PHF21A: variants seen among roughly 807,000 people sequenced by gnomAD.
PHF21A encodes the protein BHC80a.
Under a neutral mutation model 82.5 loss-of-function variants are expected in PHF21A, and 11 were observed. The observed-to-expected ratio is 0.13, with a 90% CI of 0.08 to 0.22. PHF21A has a LOEUF of 0.22. PHF21A is among the 10% of genes least tolerant of loss of function. PHF21A has a pLI of 1.00. For synonymous variants in PHF21A, 297 were observed against 302.8 expected (o/e 0.98, Z 0.20); for missense variants, 579 against 837.8 (o/e 0.69, Z 3.81).
At chr11:45,964,015 T>C (rs368749522) in intron 10 of PHF21A, among the ~76,000 whole-genome samples, 2 of 151,846 alleles carry the variant, frequency 1.3e-5, no homozygotes, top group Non-Finnish European at 2.9e-5. Flanking sequence ...CTGACCAACA[T>C]GGAGAAACCC....
chr11:46,060,483 C>T (rs1339064778), intron 6 of PHF21A, among the ~76,000 whole-genome samples: 1 of 152,058 alleles, frequency 6.6e-6, no homozygotes, highest in Non-Finnish European at 1.5e-5. Flanking sequence ...ATATTTTTTA[C>T]TTAAGAATTC....
intron 12 of PHF21A, 149 bp from the exon 13 acceptor site, chr11:45,949,630 C>T: frequency 1.5e-6 from 1 of 687,528 alleles, no homozygotes; most frequent in Non-Finnish European, 2.6e-6. Flanking sequence ...GGCAAGCACA[C>T]TACTGGAAGC....
chr11:46,048,201 T>G (rs1325674553), intron 6 of PHF21A, among the ~76,000 whole-genome samples: 3 of 152,216 alleles, frequency 2.0e-5, no homozygotes, highest in Non-Finnish European at 2.9e-5. Flanking sequence ...TAATTGACTT[T>G]CTGTCTCCAG....
intron 10 of PHF21A, among the ~76,000 whole-genome samples, chr11:45,961,825 T>C (rs896725788): frequency 2.1e-4 from 32 of 152,210 alleles, no homozygotes; most frequent in African/African-American, 7.7e-4. Context: ...GAAGGCTATA[T>C]CGTAAGTCTT....
intron 6 of PHF21A, among the ~76,000 whole-genome samples, chr11:46,002,956 GAATT>G (rs1258139837): frequency 6.6e-6 from 1 of 152,034 alleles, no homozygotes; most frequent in Non-Finnish European, 1.5e-5. Flanking sequence ...CAAATAAAAT[GAATT>G]AATTGGATAA....
intron 10 of PHF21A, among the ~76,000 whole-genome samples, chr11:45,955,004 A>G (rs1473613826): frequency 1.3e-5 from 2 of 152,186 alleles, no homozygotes; most frequent in East Asian, 3.8e-4. Context: ...ATGATTACAT[A>G]AAGAAAGCGT....
intron 4 of PHF21A, among the ~76,000 whole-genome samples, chr11:46,079,399 T>C (rs2096763380): frequency 6.7e-6 from 1 of 148,374 alleles, no homozygotes; most frequent in Non-Finnish European, 1.5e-5. Flanking sequence ...GCCTGATTTT[T>C]AAATCTGGAC....
chr11:46,023,232 A>G (rs919721636), intron 6 of PHF21A, among the ~76,000 whole-genome samples: 1 of 152,200 alleles, frequency 6.6e-6, no homozygotes, highest in African/African-American at 2.4e-5. Flanking sequence ...AGTGTAAGCA[A>G]TGGTTTCTTA....
chr11:46,027,847 A>G (rs1364225659), intron 6 of PHF21A, among the ~76,000 whole-genome samples: 3 of 152,236 alleles, frequency 2.0e-5, no homozygotes, highest in Admixed American at 6.5e-5. Context: ...CCAATATTTT[A>G]CTTTATTTGT....
chr11:45,977,113 A>G (rs1253769903), intron 7 of PHF21A, among the ~76,000 whole-genome samples: 3 of 147,854 alleles, frequency 2.0e-5, no homozygotes, highest in African/African-American at 5.0e-5. Flanking sequence ...AAAAGCTATT[A>G]TATTTTGGAA....
At position 46,037,543 on chromosome 11, in the gene PHF21A, A is replaced by G. The variant is rs374041035; in HGVS notation, c.153+39211T>C. On this transcript the variant is annotated intron_variant, in intron 6 of 18. Transcript: ENST00000676320. ...GTAATCCCAGCTACTTGGGAGGCTG[A>G]GGCAGGACAATCGCTTGAATCCGGG... Among the ~76,000 whole-genome samples, 42 of 150,530 alleles carry G rather than the reference A, an allele frequency of 2.8e-4. No homozygotes were observed. The East Asian group carries it at 6.6e-3, about 24-fold the overall frequency.
intron 6 of PHF21A, among the ~76,000 whole-genome samples, chr11:45,982,431 T>C (rs1458902864): frequency 6.6e-6 from 1 of 152,198 alleles, no homozygotes; most frequent in Non-Finnish European, 1.5e-5. Flanking sequence ...TTGCAGAAAC[T>C]ATCTGCAGAA....
At chr11:46,025,431 A>G (rs1317901562) in intron 6 of PHF21A, among the ~76,000 whole-genome samples, 1 of 152,224 alleles carries the variant, frequency 6.6e-6, no homozygotes, top group Admixed American at 6.5e-5. Context: ...CACCAATTCT[A>G]GACCTTCCAT....
intron 4 of PHF21A, among the ~76,000 whole-genome samples, chr11:46,081,746 A>C (rs1473500088): frequency 6.6e-6 from 1 of 152,250 alleles, no homozygotes; most frequent in African/African-American, 2.4e-5. Flanking sequence ...TAAGCAAAAC[A>C]ACCCATAGGC....
At chr11:46,067,889 T>C (rs1183994748) in intron 6 of PHF21A, among the ~76,000 whole-genome samples, 1 of 152,084 alleles carries the variant, frequency 6.6e-6, no homozygotes, top group Non-Finnish European at 1.5e-5. Flanking sequence ...CCAAGTACCA[T>C]GAGTACACAG....
At chr11:46,089,088 T>C (rs916651291) in intron 3 of PHF21A, among the ~76,000 whole-genome samples, 10 of 152,332 alleles carry the variant, frequency 6.6e-5, no homozygotes, top group Middle Eastern at 3.4e-3. Context: ...CCATGTTCTC[T>C]ATACCATGCA....
chr11:45,949,136 G>A (rs117648251), intron 13 of PHF21A, among the ~76,000 whole-genome samples, 190 bp from the exon 14 acceptor site: 18 of 152,288 alleles, frequency 1.2e-4, no homozygotes, highest in African/African-American at 4.3e-4. Context: ...AGAGAAGCCT[G>A]CCTCTGTTGC....
intron 6 of PHF21A, among the ~76,000 whole-genome samples, chr11:46,056,071 GT>G (rs913167038): frequency 2.6e-5 from 4 of 151,746 alleles, no homozygotes; most frequent in African/African-American, 9.7e-5. Flanking sequence ...CATGTAACCT[GT>G]TTTTTTTAAA....
At chr11:46,075,980 ACC>A (rs2096719784) in intron 6 of PHF21A, among the ~76,000 whole-genome samples, 2 of 152,214 alleles carry the variant, frequency 1.3e-5, no homozygotes, top group Admixed American at 1.3e-4. Flanking sequence ...TAATATATTC[ACC>A]TACTCCAAGA....
Sources: gnomAD v4.1 joint callset for allele counts (sites outside exome capture counted in the v4.1 genomes callset) on GRCh38, gnomAD v4.1.1 for gene constraint, MANE v1.5 for transcripts, NCBI Gene and HGNC (gene_info 2026-07-23, HGNC 2026-07-21) for gene names.